Variants in GARIN1A observed in about 807,000 individuals in gnomAD.
GARIN1A encodes the protein Golgi-associated RAB2 interactor protein 1A.
At chr7:128,701,443 AGGGG>A in the GARIN1A span, among the ~76,000 whole-genome samples, 1 of 6,194 alleles carries the variant, frequency 1.6e-4, no homozygotes, top group Non-Finnish European at 3.2e-4. Flanking sequence ...AGGGGAGGGG[AGGGG>A]AGGGAAGGGA....
the GARIN1A span, among the ~76,000 whole-genome samples, chr7:128,694,541 AAAAGAAAG>A: frequency 4.7e-5 from 7 of 150,056 alleles, no homozygotes; most frequent in East Asian, 2.0e-4. Flanking sequence ...CTCAAAAAAA[AAAAGAAAG>A]AAAGAAAGAA....
the GARIN1A span, chr7:128,677,859 A>G: frequency 1.3e-6 from 2 of 1,513,628 alleles, no homozygotes; most frequent in Non-Finnish European, 1.8e-6. Flanking sequence ...AAGTATATAT[A>G]AGTATATATG....
chr7:128,690,448 T>A, the GARIN1A span: 3 of 152,284 alleles, frequency 2.0e-5, no homozygotes, highest in Non-Finnish European at 2.9e-5. Flanking sequence ...CAATCCACTC[T>A]AACAACTCCA....
At chr7:128,687,662 C>G in the GARIN1A span, 3 of 152,150 alleles carry the variant, frequency 2.0e-5, no homozygotes, top group African/African-American at 7.2e-5. Context: ...CCTTGCTAAG[C>G]GTGTCAAATT....
chr7:128,699,161 A>G, the GARIN1A span, among the ~76,000 whole-genome samples: 1 of 152,104 alleles, frequency 6.6e-6, no homozygotes, highest in African/African-American at 2.4e-5. Flanking sequence ...ATGAATTTTT[A>G]ATAAAAAATT....
the GARIN1A span, among the ~76,000 whole-genome samples, chr7:128,681,168 G>C: frequency 1.3e-5 from 2 of 152,144 alleles, no homozygotes; most frequent in Admixed American, 1.3e-4. Flanking sequence ...AATATAAAAG[G>C]TCCTTTGGTC....
At chr7:128,675,824 C>T in the GARIN1A span, 8 of 1,613,504 alleles carry the variant, frequency 5.0e-6, no homozygotes, top group Non-Finnish European at 5.9e-6. Context: ...CCACCTGGAG[C>T]ACACCTGGTG....
chr7:128,691,854 CTCCCTCCCTTCATCCT>C, the GARIN1A span: 1 of 152,342 alleles, frequency 6.6e-6, no homozygotes, highest in African/African-American at 2.4e-5. Context: ...CCAGTAACCA[CTCCCTCCCTTCATCCT>C]TCAGATCCCT....
chr7:128,704,636 C>T, the GARIN1A span, among the ~76,000 whole-genome samples: 1 of 152,156 alleles, frequency 6.6e-6, no homozygotes, highest in Non-Finnish European at 1.5e-5. Context: ...CAACCTAGAT[C>T]ACTCACATGT....
At chr7:128,686,034 G>A in the GARIN1A span, 1 of 152,120 alleles carries the variant, frequency 6.6e-6, no homozygotes, top group Non-Finnish European at 1.5e-5. Context: ...CCAATATGGT[G>A]AAACCCCATC....
the GARIN1A span, among the ~76,000 whole-genome samples, chr7:128,678,485 C>T: frequency 0.012 from 1,848 of 152,160 alleles, 19 homozygotes; most frequent in Non-Finnish European, 0.019. Flanking sequence ...AAATATCATA[C>T]CAAATTATAC....
At chr7:128,708,336 C>CT in the GARIN1A span, among the ~76,000 whole-genome samples, 3 of 152,080 alleles carry the variant, frequency 2.0e-5, no homozygotes, top group African/African-American at 7.2e-5. Context: ...CAATTTCTTT[C>CT]TTTTTTAAGG....
chr7:128,688,945 C>T, the GARIN1A span, among the ~76,000 whole-genome samples: 7 of 151,160 alleles, frequency 4.6e-5, no homozygotes, highest in Non-Finnish European at 8.8e-5. Flanking sequence ...CGATTGCAGG[C>T]GCGCGCCACC....
chr7:128,676,005 G>A, the GARIN1A span: 5 of 596,778 alleles, frequency 8.4e-6, no homozygotes, highest in Non-Finnish European at 1.5e-5. Context: ...GTTTAGCAAC[G>A]ATTTATTTAG....
chr7:128,704,435 G>C, the GARIN1A span, among the ~76,000 whole-genome samples: 2 of 152,070 alleles, frequency 1.3e-5, no homozygotes, highest in African/African-American at 4.8e-5. Context: ...CTCCCAAGTA[G>C]CTGGGATTAC....
chr7:128,688,578 C>T, the GARIN1A span, among the ~76,000 whole-genome samples: 1 of 151,992 alleles, frequency 6.6e-6, no homozygotes, highest in Non-Finnish European at 1.5e-5. Context: ...GTAGGGAGTC[C>T]ACAAACTTTC....
chr7:128,675,958 T>C, the GARIN1A span: 1 of 788,368 alleles, frequency 1.3e-6, no homozygotes, highest in Non-Finnish European at 2.1e-6. Context: ...ATAGCGTTCT[T>C]TAGTGCATAA....
chr7:128,682,459 G>A, the GARIN1A span, among the ~76,000 whole-genome samples: 1 of 152,112 alleles, frequency 6.6e-6, no homozygotes, highest in East Asian at 1.9e-4. Context: ...TTCTCTCCTC[G>A]GGTTGCCCTT....
At chr7:128,672,352 C>A in the GARIN1A span, 3 of 1,537,450 alleles carry the variant, frequency 2.0e-6, no homozygotes, top group South Asian at 1.2e-5. Flanking sequence ...GCTGGGTCGG[C>A]GTGGAGCCCC....
Sources: gnomAD v4.1 joint callset for allele counts (sites outside exome capture counted in the v4.1 genomes callset) on GRCh38, gnomAD v4.1.1 for gene constraint, MANE v1.5 for transcripts, NCBI Gene and HGNC (gene_info 2026-07-23, HGNC 2026-07-21) for gene names.